EVA1B: variants seen among roughly 807,000 people sequenced by gnomAD.
EVA1B encodes the protein protein eva-1 homolog B.
Under a neutral mutation model 4.6 loss-of-function variants are expected in EVA1B, and 2 were observed. The observed-to-expected ratio is 0.43, with a 90% CI of 0.18 to 1.37. The LOEUF (loss-of-function observed/expected upper bound fraction) is 1.37. Ranked by LOEUF, EVA1B falls within the 40% of genes most tolerant of loss-of-function variation. The probability of loss-of-function intolerance (pLI) is 0.28; values close to 1 mark genes in which losing one functional copy is unlikely to be tolerated. For missense variants in EVA1B, 263 were observed against 240.4 expected (o/e 1.09, Z -0.62); for synonymous variants, 124 against 115.8 (o/e 1.07, Z -0.46).
At chr1:36,323,243 C>T (rs1469661929) in intron 1 of EVA1B, among the ~76,000 whole-genome samples, 176 bp from the exon 2 acceptor site, 1 of 152,158 alleles carries the variant, frequency 6.6e-6, no homozygotes, top group Non-Finnish European at 1.5e-5. Flanking sequence ...CGGGCGCGGA[C>T]GCCCCTCCAG....
Position 36,322,167 on chromosome 1 carries a change from G to T in EVA1B, c.*128C>A. ...GGACTGGGGAAGGGAGCCTCTCAGGGGGTGGCGGTCCACGCCCAGTAGCAC... is the reference window on the plus strand; with the variant it reads ...GGACTGGGGAAGGGAGCCTCTCAGGTGGTGGCGGTCCACGCCCAGTAGCAC... On this transcript the variant is annotated 3_prime_UTR_variant, in exon 3 of 3. Transcript: ENST00000490466. The T allele has an allele frequency of 1.5e-6, 2 of 1,358,520 alleles. No individual in the cohort carries two copies. The highest frequency in any genetic ancestry group is 1.9e-6 in the Non-Finnish European group (2 of 1,047,180). The allele number at this position is 1,358,520 out of a possible 1,614,324, so 84.2% of individuals were successfully genotyped here. A position where few individuals can be genotyped will look rare whatever the true frequency, so the allele number is the denominator to read the frequency against.
Position 36,322,252 on chromosome 1 carries a change from A to C in EVA1B, c.*43T>G. 2.1e-6 allele frequency: 3 copies of C among 1,449,542 alleles called. No homozygotes were observed. The highest frequency in any genetic ancestry group is 2.7e-6 in the Non-Finnish European group (3 of 1,105,816). 89.8% of individuals were successfully genotyped at this position (1,449,542 alleles called of 1,614,324 possible). On this transcript the variant is annotated 3_prime_UTR_variant, in exon 3 of 3. Coordinates refer to ENST00000490466, the MANE Select transcript of EVA1B (RefSeq NM_001304762.2). ...GTGGGGTAGCTCTGAGCTCATGTGCAGGTCCGGTACCCCGAGCGCCTTGCA... is the reference window on the plus strand; with the variant it reads ...GTGGGGTAGCTCTGAGCTCATGTGCCGGTCCGGTACCCCGAGCGCCTTGCA...
In EVA1B at chr1:36,322,140, C is replaced by A. The variant is rs1646473464; in HGVS notation, c.*155G>T. On this transcript the variant is annotated 3_prime_UTR_variant, in exon 3 of 3. Coordinates refer to ENST00000490466, the MANE Select transcript of EVA1B (RefSeq NM_001304762.2). ...CCTCCCCGCCCCCGGGGTCTTCTGG[C>A]AGGACTGGGGAAGGGAGCCTCTCAG... 2 of 1,352,284 alleles carry A rather than the reference C, an allele frequency of 1.5e-6. No homozygotes were observed. Among genetic ancestry groups the A allele is most frequent in the Non-Finnish European group, 1.9e-6 (2 of 1,046,842 alleles). The allele number at this position is 1,352,284 out of a possible 1,614,324, so 83.8% of individuals were successfully genotyped here.
chr1:36,322,356 G>T lies in EVA1B; in HGVS notation c.437C>A (p.Thr146Lys). The change falls in exon 3 of 3, where the codon ACA (threonine) becomes AAA (lysine). Residue 146 changes from threonine to lysine, a missense_variant. Transcript: ENST00000490466. ...WRTGQPDLLGTGTLGPSPTAT... is the reference protein window; with the variant it reads ...WRTGQPDLLGKGTLGPSPTAT... The stretch of plus-strand genomic sequence containing the variant: ...CGTGGGGCTGGGCCCCAGCGTGCCT[G>T]TGCCCAGCAGGTCCGGCTGCCCGGT... The T allele has an allele frequency of 1.3e-6, 2 of 1,586,080 alleles. No individual in the cohort carries two copies. The highest frequency in any genetic ancestry group is 2.3e-5 in the East Asian group (1 of 44,386).
In EVA1B at chr1:36,322,270, G is replaced by T. The variant is rs980763789; in HGVS notation, c.*25C>A. 2.0e-6 allele frequency: 3 copies of T among 1,473,752 alleles called. No individual in the cohort carries two copies. The highest frequency in any genetic ancestry group is 2.8e-5 in the African/African-American group (2 of 70,202). The allele number at this position is 1,473,752 out of a possible 1,614,324, so 91.3% of individuals were successfully genotyped here. A position where few individuals can be genotyped will look rare whatever the true frequency, so the allele number is the denominator to read the frequency against. On this transcript the variant is annotated 3_prime_UTR_variant, in exon 3 of 3. Transcript: ENST00000490466. ...CATGTGCAGGTCCGGTACCCCGAGC[G>T]CCTTGCAGCGGGAGCCGGGGCCCAT...
chr1:36,322,341 G>C lies in EVA1B; in HGVS notation c.452C>G (p.Pro151Arg). Residue 151 changes from proline to arginine, a missense_variant, in exon 3 of 3, where the codon CCC (proline) becomes CGC (arginine). Transcript: ENST00000490466. ...CAGGGTGCCCGTGGCCGTGGGGCTG[G>C]GCCCCAGCGTGCCTGTGCCCAGCAG... is the stretch of plus-strand genomic sequence containing the variant. ...PDLLGTGTLG[P>R]SPTATGTLGR... The C allele has an allele frequency of 6.3e-7, 1 of 1,576,956 alleles. No individual in the cohort carries two copies. Among genetic ancestry groups the C allele is most frequent in the Non-Finnish European group, 8.5e-7 (1 of 1,169,952 alleles).
intron 1 of EVA1B, 115 bp downstream of exon 1, chr1:36,323,344 G>A (rs1344851020): frequency 1.1e-5 from 4 of 349,070 alleles, no homozygotes; most frequent in African/African-American, 2.2e-5. Flanking sequence ...GGGCGGGATG[G>A]AGGATAGGGA....
chr1:36,323,016 T>C lies in EVA1B; in HGVS notation c.22A>G (p.Met8Val), dbSNP rs1233797719. 7.5e-6 allele frequency: 12 copies of C among 1,599,704 alleles called. No individual in the cohort carries two copies. The highest frequency in any genetic ancestry group is 1.0e-5 in the Non-Finnish European group (12 of 1,176,044). The change falls in exon 2 of 3, where the codon ATG becomes GTG. Residue 8 changes from methionine (M) to valine (V), a missense_variant. Transcript: ENST00000490466. ...GCCAGGCTGTTGCTGAGCAACTCCATGTCCCTTCGCGGGGCATCCATGCTG... is the reference window on the plus strand; with the variant it reads ...GCCAGGCTGTTGCTGAGCAACTCCACGTCCCTTCGCGGGGCATCCATGCTG... MDAPRRD[M>V]ELLSNSLAAY... is the part of the protein sequence containing the mutation.
At position 36,322,071 on chromosome 1, in the gene EVA1B, C is replaced by T. The variant is rs999802668; in HGVS notation, c.*224G>A. 1.5e-5 allele frequency: 20 copies of T among 1,348,150 alleles called. No individual in the cohort carries two copies. Among genetic ancestry groups the T allele is most frequent in the African/African-American group, 1.5e-5 (1 of 64,936 alleles). 83.5% of individuals were successfully genotyped at this position (1,348,150 alleles called of 1,614,324 possible). On this transcript the variant is annotated 3_prime_UTR_variant, in exon 3 of 3. Coordinates refer to ENST00000490466, the MANE Select transcript of EVA1B (RefSeq NM_001304762.2). ...TTTCTTTCATTTGGTCACTTCACCTCTTCATCGACCCCAGAGAGGGAGTGG... is the reference window on the plus strand; with the variant it reads ...TTTCTTTCATTTGGTCACTTCACCTTTTCATCGACCCCAGAGAGGGAGTGG...
Position 36,322,517 on chromosome 1 carries a change from G to T in EVA1B, c.276C>A (p.Asp92Glu), listed in dbSNP as rs967971768. ...ACAGCTCGGGGCCCGGCAGCGTGTC[G>T]TCGGGGCCCAGCCGAGTCACCGTGT... ...EEDTVTRLGP[D>E]DTLPGPELSA... Residue 92 changes from aspartate (D) to glutamate (E), a missense_variant, in exon 3 of 3, where the codon GAC (aspartate) becomes GAA (glutamate). Physicochemically the swap from Asp to Glu is conservative, Grantham distance 45. Transcript: ENST00000490466. 6.2e-7 allele frequency: 1 copy of T among 1,601,190 alleles called. No individual in the cohort carries two copies. Among genetic ancestry groups the T allele is most frequent in the Non-Finnish European group, 8.5e-7 (1 of 1,178,414 alleles).
Position 36,322,962 on chromosome 1 carries a change from C to T in EVA1B, c.67+9G>A. 1 of 1,606,130 alleles carries T rather than the reference C, an allele frequency of 6.2e-7. No homozygotes were observed. Among genetic ancestry groups the T allele is most frequent in the Non-Finnish European group, 8.5e-7 (1 of 1,177,106 alleles). On this transcript the variant is annotated intron_variant, in intron 2 of 2. Coordinates refer to ENST00000490466, the MANE Select transcript of EVA1B (RefSeq NM_001304762.2). ...TTCAGGCCCCCAGTCTTCCGGCGCC[C>T]GCCCTCACCGCGGATGTGCGCGTAG...
rs1263968580 is a variant in EVA1B at position 36,322,149 on chromosome 1, G to A, written c.*146C>T. On this transcript the variant is annotated 3_prime_UTR_variant, in exon 3 of 3. Transcript: ENST00000490466. Reference sequence around the variant, plus strand: ...CCCCGGGGTCTTCTGGCAGGACTGGGGAAGGGAGCCTCTCAGGGGGTGGCG... The same window carrying A: ...CCCCGGGGTCTTCTGGCAGGACTGGAGAAGGGAGCCTCTCAGGGGGTGGCG... The A allele has an allele frequency of 1.5e-6, 2 of 1,356,376 alleles. No homozygotes were observed. The highest frequency in any genetic ancestry group is 6.6e-5 in the Admixed American group (2 of 30,106). 84.0% of individuals were successfully genotyped at this position (1,356,376 alleles called of 1,614,324 possible). A position where few individuals can be genotyped will look rare whatever the true frequency, so the allele number is the denominator to read the frequency against.
At position 36,322,118 on chromosome 1, in the gene EVA1B, C is replaced by T. The variant is rs1000297447; in HGVS notation, c.*177G>A. Reference sequence around the variant, plus strand: ...GTGGGGACCCTGCATGCTGCCCCCTCCCCGCCCCCGGGGTCTTCTGGCAGG... The same window carrying T: ...GTGGGGACCCTGCATGCTGCCCCCTTCCCGCCCCCGGGGTCTTCTGGCAGG... On this transcript the variant is annotated 3_prime_UTR_variant, in exon 3 of 3. Coordinates refer to ENST00000490466, the MANE Select transcript of EVA1B (RefSeq NM_001304762.2). 5.9e-6 allele frequency: 8 copies of T among 1,353,906 alleles called. No homozygotes were observed. The African/African-American group carries it at 1.1e-4, about 18-fold the overall frequency. 83.9% of individuals were successfully genotyped at this position (1,353,906 alleles called of 1,614,324 possible). A position where few individuals can be genotyped will look rare whatever the true frequency, so the allele number is the denominator to read the frequency against.
Position 36,322,679 on chromosome 1 carries a change from G to A in EVA1B, c.114C>T (p.Phe38=), listed in dbSNP as rs1400073889. 6.5e-7 allele frequency: 1 copy of A among 1,547,434 alleles called. No individual in the cohort carries two copies. The highest frequency in any genetic ancestry group is 2.0e-5 in the Admixed American group (1 of 50,994). The change falls in exon 3 of 3, where the codon TTC becomes TTT. Residue 38 remains phenylalanine, a synonymous_variant. Coordinates refer to ENST00000490466, the MANE Select transcript of EVA1B (RefSeq NM_001304762.2). ...GCAGGCAGAGGGTGAGCAGCAGGCC[G>A]AAGCAGACGCCCAGCACGAAGTAGA... ...FGLYFVLGVC[F]GLLLTLCLLV...
At position 36,323,046 on chromosome 1, in the gene EVA1B, G is replaced by T. The variant is rs896445320; in HGVS notation, c.-9C>A. The T allele has an allele frequency of 3.8e-6, 6 of 1,599,714 alleles. No individual in the cohort carries two copies. The highest frequency in any genetic ancestry group is 4.3e-6 in the Non-Finnish European group (5 of 1,175,726). ...CTTCGCGGGGCATCCATGCTGCTCT[G>T]GGGGGCAGCTCCCCTACCAGCCTGC... On this transcript the variant is annotated 5_prime_UTR_variant, in exon 2 of 3. Coordinates refer to ENST00000490466, the MANE Select transcript of EVA1B (RefSeq NM_001304762.2).
intron 2 of EVA1B, 65 bp downstream of exon 2, chr1:36,322,906 G>C (rs542640521): frequency 3.2e-6 from 5 of 1,580,276 alleles, no homozygotes; most frequent in South Asian, 2.3e-5. Context: ...CAAGGCGCTG[G>C]GGAGGGAAGG....
At position 36,322,678 on chromosome 1, in the gene EVA1B, C is replaced by A. The variant is rs1454262015; in HGVS notation, c.115G>T (p.Gly39Cys). 1.9e-6 allele frequency: 3 copies of A among 1,547,088 alleles called. No individual in the cohort carries two copies. The African/African-American group carries it at 4.1e-5, about 21-fold the overall frequency. The change falls in exon 3 of 3, where the codon GGC becomes TGC. Residue 39 changes from glycine (G) to cysteine (C), a missense_variant. Coordinates refer to ENST00000490466, the MANE Select transcript of EVA1B (RefSeq NM_001304762.2). ...AGCAGGCAGAGGGTGAGCAGCAGGC[C>A]GAAGCAGACGCCCAGCACGAAGTAG... The part of the protein sequence containing the change: ...GLYFVLGVCF[G>C]LLLTLCLLVI...
chr1:36,322,517 G>A lies in EVA1B; in HGVS notation c.276C>T (p.Asp92=). 2 of 1,601,190 alleles carry A rather than the reference G, an allele frequency of 1.2e-6. No individual in the cohort carries two copies. Among genetic ancestry groups the A allele is most frequent in the Non-Finnish European group, 1.7e-6 (2 of 1,178,414 alleles). ...EEDTVTRLGP[D]DTLPGPELSA... is the part of the protein sequence containing the mutation. ...ACAGCTCGGGGCCCGGCAGCGTGTC[G>A]TCGGGGCCCAGCCGAGTCACCGTGT... The change falls in exon 3 of 3, where the codon GAC becomes GAT. Residue 92 remains aspartate, a synonymous_variant. Coordinates refer to ENST00000490466, the MANE Select transcript of EVA1B (RefSeq NM_001304762.2).
Position 36,322,421 on chromosome 1 carries a change from C to T in EVA1B, c.372G>A (p.Arg124=), listed in dbSNP as rs1243861640. ...GCAGGATCCGTTCGCGCTCCTCCAG[C>T]CGCTGCGCCCGCTCCAGCTCCTCCG... is the stretch of plus-strand genomic sequence containing the variant. The part of the protein sequence containing the change: ...TSAEELERAQ[R]LEERERILRE... The change falls in exon 3 of 3, where the codon CGG becomes CGA. Residue 124 remains arginine, a synonymous_variant. Coordinates refer to ENST00000490466, the MANE Select transcript of EVA1B (RefSeq NM_001304762.2). 2.5e-6 allele frequency: 4 copies of T among 1,602,266 alleles called. No homozygotes were observed. Among genetic ancestry groups the T allele is most frequent in the South Asian group, 1.1e-5 (1 of 90,948 alleles).
Sources: allele counts gnomAD v4.1 joint callset (sites outside exome capture counted in the v4.1 genomes callset), GRCh38; gene constraint gnomAD v4.1.1; transcripts MANE v1.5; gene names NCBI Gene and HGNC (gene_info 2026-07-23, HGNC 2026-07-21).